Variants in PCDHGA10 observed in about 807,000 individuals in gnomAD.
PCDHGA10 encodes protocadherin gamma-A10.
PCDHGA10 carries 42 observed loss-of-function variants against 59.5 expected under a neutral mutation model. That is an observed-to-expected ratio of 0.71 (90% CI 0.55 to 0.91). PCDHGA10 has a LOEUF of 0.91. Among genes scored for constraint, PCDHGA10 ranks in the 40% least tolerant of loss-of-function variants. The pLI, the probability that PCDHGA10 is intolerant of heterozygous loss-of-function variation, is 0.00. For missense variants in PCDHGA10, 1,111 were observed against 1,198.2 expected, an observed-to-expected ratio of 0.93 and a Z score of 1.07; for synonymous variants, 511 against 517.2, an observed-to-expected ratio of 0.99 and a Z score of 0.16.
In PCDHGA10 at chr5:141,415,095, C is replaced by T. The variant is rs1045755927; in HGVS notation, c.1920C>T (p.Asp640=). 1 of 1,613,584 alleles carries T rather than the reference C, an allele frequency of 6.2e-7. No homozygotes were observed. Among genetic ancestry groups the T allele is most frequent in the Non-Finnish European group, 8.5e-7 (1 of 1,179,980 alleles). The part of the protein sequence containing the change: ...VRTARALLDR[D]ALKQSLVVAV... ...CGGCGCGAGCCCTGCTGGACAGAGA[C>T]GCGCTCAAGCAAAGCCTCGTAGTGG... The change falls in exon 1 of 4, where the codon GAC becomes GAT. Residue 640 remains aspartate (D), a synonymous_variant. Transcript: ENST00000398610.
intron 1 of PCDHGA10, among the ~76,000 whole-genome samples, chr5:141,447,098 A>G (rs2098525979): frequency 6.6e-6 from 1 of 151,934 alleles, no homozygotes. Flanking sequence ...TTTCTTTCAC[A>G]TGATTATATG....
chr5:141,478,819 C>T, intron 1 of PCDHGA10: 8 of 1,447,842 alleles, frequency 5.5e-6, no homozygotes, highest in South Asian at 3.0e-5. Flanking sequence ...CACAACTAAC[C>T]AATCTTGCTA....
At chr5:141,433,225 GCT>G in intron 1 of PCDHGA10, 1 of 1,517,048 alleles carries the variant, frequency 6.6e-7, no homozygotes, top group African/African-American at 1.4e-5. Context: ...TTTTTTAATT[GCT>G]CTGTCTCCCA....
At position 141,487,603 on chromosome 5, in the gene PCDHGA10, C is replaced by T; in HGVS notation, c.2437-7204C>T. The stretch of plus-strand genomic sequence containing the variant: ...CAAGCTGCCCACCCTCTGATCTTCT[C>T]TATGGGCTAGAGGTGAGACCTTTGC... On this transcript the variant is annotated intron_variant, in intron 1 of 3. Transcript: ENST00000398610. This position sits in a 1 kb window ranked among gnomAD's most constrained non-coding sequence, Gnocchi z 5.0. 1.2e-6 allele frequency: 2 copies of T among 1,614,214 alleles called. No individual in the cohort carries two copies. Among genetic ancestry groups the T allele is most frequent in the Non-Finnish European group, 1.7e-6 (2 of 1,180,042 alleles).
At chr5:141,422,142 G>T in intron 1 of PCDHGA10, 1 of 1,583,694 alleles carries the variant, frequency 6.3e-7, no homozygotes, top group Non-Finnish European at 8.5e-7. Flanking sequence ...TTCAAGTACG[G>T]GGGTCTCTGG....
chr5:141,494,115 GC>G (rs1445167222), intron 1 of PCDHGA10, among the ~76,000 whole-genome samples: 1 of 152,186 alleles, frequency 6.6e-6, no homozygotes, highest in African/African-American at 2.4e-5. Context: ...AGACAGAGCA[GC>G]CTTGTTCTCT....
intron 1 of PCDHGA10, chr5:141,426,294 CAG>C (rs555591649): frequency 1.2e-4 from 20 of 167,070 alleles, no homozygotes; most frequent in African/African-American, 4.5e-4. Context: ...GGATGGGAAA[CAG>C]GGTGAAGCAG....
intron 1 of PCDHGA10, among the ~76,000 whole-genome samples, chr5:141,437,781 A>G (rs957126405): frequency 7.3e-5 from 11 of 149,878 alleles, no homozygotes; most frequent in Admixed American, 6.7e-5. Flanking sequence ...ATCTGTCGCC[A>G]AGCTGGAGTG....
intron 1 of PCDHGA10, among the ~76,000 whole-genome samples, chr5:141,474,248 A>G (rs2099346089): frequency 6.6e-6 from 1 of 152,220 alleles, no homozygotes; most frequent in African/African-American, 2.4e-5. Context: ...TAGGGGAAAA[A>G]AAGACTGATA....
intron 3 of PCDHGA10, among the ~76,000 whole-genome samples, chr5:141,509,807 C>T (rs369661041): frequency 2.0e-5 from 3 of 152,104 alleles, no homozygotes; most frequent in Non-Finnish European, 4.4e-5. Context: ...TTCATAGAGC[C>T]GAGCTCTTCT....
At chr5:141,471,079 C>T (rs1169560328) in intron 1 of PCDHGA10, among the ~76,000 whole-genome samples, 1 of 145,256 alleles carries the variant, frequency 6.9e-6, no homozygotes, top group African/African-American at 2.5e-5. Context: ...GACAGGGTCT[C>T]CCTCTGTTGT....
chr5:141,417,226 T>A (rs966071761), intron 1 of PCDHGA10: 4 of 152,134 alleles, frequency 2.6e-5, no homozygotes, highest in Admixed American at 1.3e-4. Flanking sequence ...GACAAAAAAA[T>A]TTGTTGCTTA....
intron 1 of PCDHGA10, among the ~76,000 whole-genome samples, chr5:141,420,650 A>G (rs2096512866): frequency 6.6e-6 from 1 of 152,244 alleles, no homozygotes; most frequent in Non-Finnish European, 1.5e-5. Context: ...TGTAAGAATT[A>G]TAGTTAGGCA....
At position 141,413,602 on chromosome 5, in the gene PCDHGA10, G is replaced by A. The variant is rs1561743581; in HGVS notation, c.427G>A (p.Asp143Asn). ...NAPKFQAENL[D>N]VKINENVAAG... ...TCCAAAATTCCAAGCAGAAAATCTA[G>A]ACGTAAAAATTAATGAAAATGTCGC... Residue 143 changes from aspartate to asparagine, a missense_variant, in exon 1 of 4, where the codon GAC (aspartate) becomes AAC (asparagine). Coordinates refer to ENST00000398610, the MANE Select transcript of PCDHGA10 (RefSeq NM_018913.3). The A allele has an allele frequency of 6.2e-7, 1 of 1,613,860 alleles. No individual in the cohort carries two copies. Among genetic ancestry groups the A allele is most frequent in the Non-Finnish European group, 8.5e-7 (1 of 1,179,890 alleles).
chr5:141,488,915 G>A (rs942297924), intron 1 of PCDHGA10, among the ~76,000 whole-genome samples: 12 of 152,180 alleles, frequency 7.9e-5, no homozygotes, highest in Non-Finnish European at 2.9e-5. Flanking sequence ...TGTTCCCAAG[G>A]TTTCCAGGAT....
chr5:141,461,037 G>T (rs1254497108), intron 1 of PCDHGA10, among the ~76,000 whole-genome samples: 1 of 150,988 alleles, frequency 6.6e-6, no homozygotes, highest in Non-Finnish European at 1.5e-5. Flanking sequence ...CCACTCATTA[G>T]TCGATGGGGA....
At chr5:141,428,102 G>T (rs774075619) in intron 1 of PCDHGA10, 38 of 1,608,516 alleles carry the variant, frequency 2.4e-5, no homozygotes, top group Non-Finnish European at 3.2e-5. Flanking sequence ...CCTACCACGT[G>T]CTGCAGGCCA....
chr5:141,497,413 T>A (rs572922456), intron 2 of PCDHGA10, among the ~76,000 whole-genome samples: 1 of 151,928 alleles, frequency 6.6e-6, no homozygotes, highest in African/African-American at 2.4e-5. Context: ...TCCCATTCCA[T>A]CAAATGAGAG....
At chr5:141,419,265 C>T in intron 1 of PCDHGA10, 1 of 1,614,040 alleles carries the variant, frequency 6.2e-7, no homozygotes, top group Non-Finnish European at 8.5e-7. Flanking sequence ...CAGCCGGGTG[C>T]CTCCATAGCG....
Sources: allele counts gnomAD v4.1 joint callset (sites outside exome capture counted in the v4.1 genomes callset), GRCh38; gene constraint gnomAD v4.1.1; non-coding constraint Gnocchi (gnomAD v3.1); transcripts MANE v1.5; gene names NCBI Gene and HGNC (gene_info 2026-07-23, HGNC 2026-07-21).